Variants in SIPA1L1 observed in about 807,000 individuals in gnomAD.
SIPA1L1 encodes the protein signal induced proliferation associated 1 like 1, also known as signal-induced proliferation-associated 1-like protein 1.
In SIPA1L1, 26 loss-of-function variants were observed where a neutral mutation model predicts 162.7. That is an observed-to-expected ratio of 0.16 (90% CI 0.12 to 0.22). The LOEUF (loss-of-function observed/expected upper bound fraction) is 0.22, where lower values mean the gene tolerates loss of function less well. Among genes scored for constraint, SIPA1L1 ranks in the 10% least tolerant of loss-of-function variants. The pLI is 1.00. For synonymous variants in SIPA1L1, 829 were observed against 837.4 expected (o/e 0.99, Z 0.17); for missense variants, 1,874 against 2,241.0 (o/e 0.84, Z 3.31).
At chr14:71,701,070 A>G (rs562186765) in intron 14 of SIPA1L1, among the ~76,000 whole-genome samples, 6 of 147,260 alleles carry the variant, frequency 4.1e-5, no homozygotes, top group East Asian at 2.0e-4. Context: ...AGCCCCTTCT[A>G]CTTTGCAGAT....
intron 2 of SIPA1L1, among the ~76,000 whole-genome samples, chr14:71,355,561 A>G (rs1482287342): frequency 6.6e-6 from 1 of 152,236 alleles, no homozygotes; most frequent in Non-Finnish European, 1.5e-5. Context: ...GATTCTCCAT[A>G]AACTTGAGCT....
At chr14:71,472,846 C>CT (rs1385299466) in intron 2 of SIPA1L1, among the ~76,000 whole-genome samples, 2 of 20,476 alleles carry the variant, frequency 9.8e-5, no homozygotes, top group Admixed American at 9.9e-4. Context: ...TCTATGAAAA[C>CT]TTAAAAAAAA....
intron 12 of SIPA1L1, among the ~76,000 whole-genome samples, chr14:71,678,333 G>A (rs2045426678): frequency 6.6e-6 from 1 of 152,166 alleles, no homozygotes; most frequent in Non-Finnish European, 1.5e-5. Flanking sequence ...ATAATTTATT[G>A]AGAGTTTTTA....
At chr14:71,418,358 T>C (rs1448550692) in intron 2 of SIPA1L1, among the ~76,000 whole-genome samples, 4 of 152,198 alleles carry the variant, frequency 2.6e-5, no homozygotes, top group African/African-American at 9.7e-5. Flanking sequence ...CTGTCTCATA[T>C]ATTTAAAATT....
chr14:71,436,241 T>C (rs572984993), intron 2 of SIPA1L1, among the ~76,000 whole-genome samples: 50 of 152,344 alleles, frequency 3.3e-4, no homozygotes, highest in African/African-American at 1.2e-3. Flanking sequence ...GTTTGTATTT[T>C]GTCGTTTATG....
intron 2 of SIPA1L1, among the ~76,000 whole-genome samples, chr14:71,432,086 A>T (rs1474157732): frequency 6.6e-5 from 10 of 151,550 alleles, no homozygotes; most frequent in Non-Finnish European, 7.4e-5. Context: ...CTTTTTTTTA[A>T]TTTTTGAGAA....
At chr14:71,657,985 T>A (rs909863883) in intron 8 of SIPA1L1, among the ~76,000 whole-genome samples, 4 of 152,236 alleles carry the variant, frequency 2.6e-5, no homozygotes, top group African/African-American at 9.6e-5. Context: ...TCTTCAGCAT[T>A]ACAGTAGATA....
chr14:71,473,913 G>C (rs1049552987), intron 2 of SIPA1L1, among the ~76,000 whole-genome samples: 6 of 152,168 alleles, frequency 3.9e-5, no homozygotes, highest in African/African-American at 1.2e-4. Flanking sequence ...TTTAATATTT[G>C]ATTGAAACTG....
At chr14:71,488,127 C>G (rs1039358320) in intron 2 of SIPA1L1, among the ~76,000 whole-genome samples, 8 of 152,202 alleles carry the variant, frequency 5.3e-5, no homozygotes, top group African/African-American at 1.9e-4. Flanking sequence ...TGCCCTCTGA[C>G]TCACTGTGTT....
chr14:71,384,981 G>A (rs1477089468), intron 2 of SIPA1L1, among the ~76,000 whole-genome samples: 1 of 152,208 alleles, frequency 6.6e-6, no homozygotes, highest in African/African-American at 2.4e-5. Flanking sequence ...AATCGGACTT[G>A]TGGAGAGGAC....
At chr14:71,688,518 T>G (rs2081031622) in intron 13 of SIPA1L1, among the ~76,000 whole-genome samples, 1 of 152,192 alleles carries the variant, frequency 6.6e-6, no homozygotes, top group East Asian at 1.9e-4. Flanking sequence ...ATGCATAAAG[T>G]TCACCTTAGA....
At chr14:71,394,577 G>A (rs979504480) in intron 2 of SIPA1L1, among the ~76,000 whole-genome samples, 5 of 152,122 alleles carry the variant, frequency 3.3e-5, no homozygotes, top group African/African-American at 7.2e-5. Flanking sequence ...ATAGACATCC[G>A]TTGTAATAAT....
At chr14:71,421,813 G>A (rs2043206755) in intron 2 of SIPA1L1, among the ~76,000 whole-genome samples, 1 of 152,086 alleles carries the variant, frequency 6.6e-6, no homozygotes, top group African/African-American at 2.4e-5. Context: ...GTAGAAGATG[G>A]TTGTGTAAAA....
intron 2 of SIPA1L1, among the ~76,000 whole-genome samples, chr14:71,459,686 A>G (rs1002812296): frequency 2.0e-5 from 3 of 152,144 alleles, no homozygotes; most frequent in Non-Finnish European, 2.9e-5. Flanking sequence ...CTGCCTGCTT[A>G]TATTCACTGA....
At chr14:71,509,998 A>G (rs1338605355) in intron 2 of SIPA1L1, among the ~76,000 whole-genome samples, 1 of 152,144 alleles carries the variant, frequency 6.6e-6, no homozygotes, top group Admixed American at 6.5e-5. Context: ...TCAACTTGAC[A>G]CAAGTGCCCC....
chr14:71,543,701 CT>C lies in SIPA1L1; in HGVS notation c.-303+14345del, dbSNP rs561910140. Among the ~76,000 whole-genome samples the C allele has an allele frequency of 5.0e-3, 635 of 126,240 alleles. 3 individuals are homozygous for C. Among genetic ancestry groups the C allele is most frequent in the African/African-American group, 0.01 (350 of 34,310 alleles). 82.8% of individuals were successfully genotyped at this position (126,240 alleles called of 152,430 possible). A position where few individuals can be genotyped will look rare whatever the true frequency, so the allele number is the denominator to read the frequency against. ...CATTCATGCGGTCAGTAACTTTTTT[CT>C]TTTTTTTTTTTTTGCAGTGTCTTTT... On this transcript the variant is annotated intron_variant, in intron 4 of 23. Transcript: ENST00000381232.
intron 2 of SIPA1L1, among the ~76,000 whole-genome samples, chr14:71,387,405 G>A (rs987061566): frequency 7.9e-5 from 12 of 152,178 alleles, no homozygotes; most frequent in African/African-American, 2.9e-4. Flanking sequence ...GAGCACAGGA[G>A]TTCAAGGCTG....
intron 2 of SIPA1L1, among the ~76,000 whole-genome samples, chr14:71,365,189 T>C (rs1479830118): frequency 2.6e-5 from 4 of 151,770 alleles, no homozygotes; most frequent in Non-Finnish European, 5.9e-5. Context: ...GGCTAATTTA[T>C]TTTTTTGTAG....
chr14:71,398,093 G>A (rs1463186247), intron 2 of SIPA1L1, among the ~76,000 whole-genome samples: 1 of 130,054 alleles, frequency 7.7e-6, no homozygotes, highest in Admixed American at 9.9e-5. Context: ...TCTGCTCACT[G>A]CAACCTCCGC....
Sources: allele counts gnomAD v4.1 joint callset (sites outside exome capture counted in the v4.1 genomes callset), GRCh38; gene constraint gnomAD v4.1.1; transcripts MANE v1.5; gene names NCBI Gene and HGNC (gene_info 2026-07-23, HGNC 2026-07-21).